Variants in PTK2 observed in about 807,000 individuals in gnomAD.
The protein encoded by PTK2 is protein tyrosine kinase 2.
Under a neutral mutation model 150.1 loss-of-function variants are expected in PTK2, and 45 were observed. The ratio of observed to expected loss-of-function variants is 0.30; its 90% CI spans 0.24 to 0.38. The LOEUF (loss-of-function observed/expected upper bound fraction) is 0.38, where lower values mean the gene tolerates loss of function less well. PTK2 is among the 10% of genes least tolerant of loss of function. The pLI, the probability that PTK2 is intolerant of heterozygous loss-of-function variation, is 1.00. For missense variants in PTK2, 919 were observed against 1,307.3 expected (o/e 0.70, Z 4.58); for synonymous variants, 432 against 449.2 (o/e 0.96, Z 0.48).
chr8:140,997,221 C>T (rs559745482), intron 1 of PTK2, among the ~76,000 whole-genome samples: 24 of 152,308 alleles, frequency 1.6e-4, no homozygotes, highest in East Asian at 1.2e-3. Flanking sequence ...AAAACTTGAA[C>T]GGATAAGGAG....
intron 26 of PTK2, among the ~76,000 whole-genome samples, chr8:140,697,710 C>T (rs1338328400): frequency 5.3e-5 from 8 of 152,014 alleles, no homozygotes; most frequent in Non-Finnish European, 8.8e-5. Context: ...CCAGCCAGAA[C>T]AGTCTTTTTT....
chr8:140,812,981 G>T (rs2154601250), intron 10 of PTK2, among the ~76,000 whole-genome samples: 1 of 152,236 alleles, frequency 6.6e-6, no homozygotes, highest in Non-Finnish European at 1.5e-5. Context: ...CACTGAGATG[G>T]AAATTAACAA....
chr8:140,950,112 C>T (rs1187817104), intron 1 of PTK2, among the ~76,000 whole-genome samples: 1 of 14,870 alleles, frequency 6.7e-5, no homozygotes. Flanking sequence ...AATGAAGCCC[C>T]TCTCCACCTT....
intron 8 of PTK2, among the ~76,000 whole-genome samples, chr8:140,828,495 T>G (rs1191154046): frequency 1.3e-5 from 2 of 152,184 alleles, no homozygotes; most frequent in African/African-American, 4.8e-5. Flanking sequence ...TTTTCCTAAT[T>G]GTTTATACAC....
At chr8:140,777,614 A>G (rs1465693581) in intron 14 of PTK2, among the ~76,000 whole-genome samples, 1 of 152,224 alleles carries the variant, frequency 6.6e-6, no homozygotes, top group Non-Finnish European at 1.5e-5. Context: ...AAATAGCCAG[A>G]CAATCCATAA....
intron 14 of PTK2, among the ~76,000 whole-genome samples, chr8:140,774,478 AG>A (rs1466926900): frequency 6.6e-6 from 1 of 152,218 alleles, no homozygotes; most frequent in Admixed American, 6.5e-5. Flanking sequence ...TCAGCATCAC[AG>A]GAGTGTCTCT....
At chr8:140,770,087 T>C (rs1438755598) in intron 14 of PTK2, among the ~76,000 whole-genome samples, 8 of 152,216 alleles carry the variant, frequency 5.3e-5, no homozygotes, top group East Asian at 3.8e-4. Context: ...AAGGTAGACA[T>C]AGGCCAGGCC....
At chr8:140,831,087 C>T (rs774411327) in intron 7 of PTK2, among the ~76,000 whole-genome samples, 3 of 152,020 alleles carry the variant, frequency 2.0e-5, no homozygotes, top group Non-Finnish European at 4.4e-5. Flanking sequence ...AAATTTATGC[C>T]CTAGGTAAAA....
At chr8:140,962,437 A>G (rs960464224) in intron 1 of PTK2, among the ~76,000 whole-genome samples, 5 of 152,196 alleles carry the variant, frequency 3.3e-5, no homozygotes, top group African/African-American at 9.7e-5. Context: ...CAAAAGCTCT[A>G]TCAGTATACT....
chr8:140,966,660 T>G (rs2100185425), intron 1 of PTK2, among the ~76,000 whole-genome samples: 1 of 152,230 alleles, frequency 6.6e-6, no homozygotes, highest in Non-Finnish European at 1.5e-5. Flanking sequence ...CTTAAATTCT[T>G]TTTCTCCAGA....
At chr8:140,905,537 G>T (rs976772006) in intron 2 of PTK2, among the ~76,000 whole-genome samples, 1 of 152,098 alleles carries the variant, frequency 6.6e-6, no homozygotes, top group Non-Finnish European at 1.5e-5. Flanking sequence ...AGTTCTTAGA[G>T]ACCTACAAAG....
At chr8:140,750,525 A>T (rs2100062057) in intron 17 of PTK2, 1 of 152,192 alleles carries the variant, frequency 6.6e-6, no homozygotes, top group Non-Finnish European at 1.5e-5. Flanking sequence ...GTAAGGGGAG[A>T]CTTTAAATAT....
At chr8:140,709,082 C>T (rs1417179299) in intron 23 of PTK2, among the ~76,000 whole-genome samples, 4 of 151,984 alleles carry the variant, frequency 2.6e-5, no homozygotes, top group Admixed American at 2.0e-4. Flanking sequence ...ATATTATAAC[C>T]CCTATTTTAC....
chr8:140,799,770 A>G (rs1291957754), intron 12 of PTK2, among the ~76,000 whole-genome samples: 1 of 152,248 alleles, frequency 6.6e-6, no homozygotes, highest in Non-Finnish European at 1.5e-5. Flanking sequence ...TGAGGCTCAG[A>G]AAAGTAATTT....
intron 14 of PTK2, among the ~76,000 whole-genome samples, chr8:140,776,223 G>A (rs966870869): frequency 6.6e-6 from 1 of 152,058 alleles, no homozygotes; most frequent in Non-Finnish European, 1.5e-5. Context: ...GGCTGGTCTG[G>A]AATTTCTGAC....
At chr8:140,845,052 T>C (rs1311404127) in intron 7 of PTK2, among the ~76,000 whole-genome samples, 4 of 152,164 alleles carry the variant, frequency 2.6e-5, no homozygotes, top group South Asian at 2.1e-4. Context: ...CGTGTCTCCA[T>C]GGCCACTGCT....
chr8:140,660,246 G>A (rs973032835), intron 31 of PTK2, among the ~76,000 whole-genome samples: 1 of 152,168 alleles, frequency 6.6e-6, no homozygotes, highest in Non-Finnish European at 1.5e-5. Flanking sequence ...GAACTTCAGA[G>A]ATCATCTATT....
intron 17 of PTK2, 30 bp from the exon 21 acceptor site, chr8:140,746,890 T>TTA: frequency 7.1e-6 from 10 of 1,404,294 alleles, no homozygotes; most frequent in African/African-American, 1.5e-5. Flanking sequence ...TAGTTATTCT[T>TTA]TCTTTTTTTT....
intron 1 of PTK2, among the ~76,000 whole-genome samples, chr8:140,931,492 G>C (rs1397148486): frequency 1.3e-5 from 2 of 152,004 alleles, no homozygotes; most frequent in Non-Finnish European, 2.9e-5. Context: ...TTGAGACGGA[G>C]GAGGCTGAGG....
Sources: gnomAD v4.1 joint callset for allele counts (sites outside exome capture counted in the v4.1 genomes callset) on GRCh38, gnomAD v4.1.1 for gene constraint, MANE v1.5 for transcripts, NCBI Gene and HGNC (gene_info 2026-07-23, HGNC 2026-07-21) for gene names.